Variants in DRC8 observed in about 807,000 individuals in gnomAD.
The protein encoded by DRC8 is dynein regulatory complex protein 8.
chr1:245,086,324 G>A, the DRC8 span, among the ~76,000 whole-genome samples: 2 of 152,208 alleles, frequency 1.3e-5, no homozygotes, highest in Non-Finnish European at 2.9e-5. Flanking sequence ...TGTAATAGCA[G>A]TTGACTAGTT....
the DRC8 span, among the ~76,000 whole-genome samples, chr1:245,120,939 A>G: frequency 6.6e-6 from 1 of 152,260 alleles, no homozygotes; most frequent in East Asian, 1.9e-4. Context: ...AAGACCGGAC[A>G]GTGGAGGTGT....
At chr1:245,050,270 C>T in the DRC8 span, among the ~76,000 whole-genome samples, 10 of 151,616 alleles carry the variant, frequency 6.6e-5, no homozygotes, top group South Asian at 2.1e-4. Flanking sequence ...GACGGATTTT[C>T]GCTCTTGTTA....
At chr1:245,050,267 T>C in the DRC8 span, among the ~76,000 whole-genome samples, 14 of 152,286 alleles carry the variant, frequency 9.2e-5, no homozygotes, top group Admixed American at 5.2e-4. Context: ...TTAGACGGAT[T>C]TTCGCTCTTG....
chr1:245,120,990 A>G, the DRC8 span, among the ~76,000 whole-genome samples: 1 of 152,266 alleles, frequency 6.6e-6, no homozygotes, highest in African/African-American at 2.4e-5. Flanking sequence ...TGGGTTTGTC[A>G]AGCATAGACT....
the DRC8 span, among the ~76,000 whole-genome samples, chr1:245,117,663 C>T: frequency 1.3e-5 from 2 of 151,976 alleles, no homozygotes; most frequent in African/African-American, 2.4e-5. Flanking sequence ...CCTCACACAT[C>T]CACTTAGTTT....
chr1:245,061,521 C>T, the DRC8 span, among the ~76,000 whole-genome samples: 1 of 152,154 alleles, frequency 6.6e-6, no homozygotes, highest in Non-Finnish European at 1.5e-5. Flanking sequence ...ACACAATTTA[C>T]TCTAATTAAA....
the DRC8 span, among the ~76,000 whole-genome samples, chr1:245,074,078 G>A: frequency 9.9e-5 from 15 of 152,282 alleles, 1 homozygote; most frequent in East Asian, 2.7e-3. Context: ...CTGAAACATA[G>A]CTGTGGACGT....
chr1:245,016,394 C>G, the DRC8 span, among the ~76,000 whole-genome samples: 3 of 152,192 alleles, frequency 2.0e-5, no homozygotes, highest in Admixed American at 2.0e-4. Flanking sequence ...AAGGCTGGTT[C>G]CTTCCCCTCC....
the DRC8 span, among the ~76,000 whole-genome samples, chr1:245,053,377 C>CT: frequency 2.6e-5 from 4 of 152,146 alleles, no homozygotes; most frequent in Admixed American, 1.3e-4. Flanking sequence ...GCTGTCTAGG[C>CT]CTGAGACAGG....
the DRC8 span, among the ~76,000 whole-genome samples, chr1:244,997,249 C>A: frequency 2.6e-5 from 4 of 152,112 alleles, no homozygotes; most frequent in Non-Finnish European, 5.9e-5. Flanking sequence ...CCAACACTTT[C>A]CATAGAGTCC....
chr1:245,089,612 T>C, the DRC8 span, among the ~76,000 whole-genome samples: 17 of 152,106 alleles, frequency 1.1e-4, no homozygotes, highest in African/African-American at 3.6e-4. The surrounding 1 kb of genome is among the most constrained non-coding windows in gnomAD (Gnocchi z 4.8). Flanking sequence ...GGAGAGTTCA[T>C]TGAGGGCCTC....
At chr1:245,041,896 C>T in the DRC8 span, among the ~76,000 whole-genome samples, 2 of 152,156 alleles carry the variant, frequency 1.3e-5, no homozygotes, top group African/African-American at 2.4e-5. Flanking sequence ...AGCAGCCGAC[C>T]TGCTGACACC....
chr1:245,124,384 C>T, the DRC8 span: 6 of 152,216 alleles, frequency 3.9e-5, no homozygotes, highest in African/African-American at 1.4e-4. Flanking sequence ...GTCACTTGGC[C>T]TGGAGGGGAA....
At chr1:245,024,889 C>T in the DRC8 span, among the ~76,000 whole-genome samples, 2 of 152,152 alleles carry the variant, frequency 1.3e-5, no homozygotes, top group Non-Finnish European at 2.9e-5. Flanking sequence ...TCTCTTAAAA[C>T]TGTTTGTATT....
chr1:245,016,273 A>C, the DRC8 span, among the ~76,000 whole-genome samples: 4 of 151,864 alleles, frequency 2.6e-5, no homozygotes, highest in African/African-American at 9.7e-5. Context: ...GAGCCACCGC[A>C]CCTAGCCAAG....
the DRC8 span, among the ~76,000 whole-genome samples, chr1:245,000,597 G>A: frequency 6.6e-6 from 1 of 151,984 alleles, no homozygotes; most frequent in Non-Finnish European, 1.5e-5. Context: ...CAGCTAACAC[G>A]GTGAAACCCC....
At chr1:245,108,472 C>T in the DRC8 span, among the ~76,000 whole-genome samples, 1 of 152,196 alleles carries the variant, frequency 6.6e-6, no homozygotes, top group Non-Finnish European at 1.5e-5. Context: ...ACTGAGGCCT[C>T]TTTCTATTTC....
the DRC8 span, among the ~76,000 whole-genome samples, chr1:245,065,073 CTT>C: frequency 2.2e-3 from 181 of 81,528 alleles, 1 homozygote; most frequent in African/African-American, 4.5e-3. Context: ...TAACATTCTT[CTT>C]TTTTTTTTTT....
the DRC8 span, chr1:244,970,562 G>A: frequency 2.2e-6 from 3 of 1,378,334 alleles, no homozygotes; most frequent in African/African-American, 1.6e-5. Context: ...CGCAGGGAAA[G>A]GGCGGCCTGA....
Sources: allele counts gnomAD v4.1 joint callset (sites outside exome capture counted in the v4.1 genomes callset), GRCh38; gene constraint gnomAD v4.1.1; non-coding constraint Gnocchi (gnomAD v3.1); transcripts MANE v1.5; gene names NCBI Gene and HGNC (gene_info 2026-07-23, HGNC 2026-07-21).